The following TESK2 variants were observed in gnomAD, a reference collection of about 807,000 sequenced individuals.
TESK2 encodes dual specificity testis-specific protein kinase 2.
Under a neutral mutation model 57.1 loss-of-function variants are expected in TESK2, and 39 were observed. That is an observed-to-expected ratio of 0.68 (90% CI 0.53 to 0.89). TESK2 has a LOEUF of 0.89. Among genes scored for constraint, TESK2 ranks in the 40% least tolerant of loss-of-function variants. The pLI, the probability that TESK2 is intolerant of heterozygous loss-of-function variation, is 0.00. For missense variants in TESK2, 646 were observed against 732.1 expected, an observed-to-expected ratio of 0.88 and a Z score of 1.36; for synonymous variants, 249 against 267.9, an observed-to-expected ratio of 0.93 and a Z score of 0.69.
rs1652672466 is a variant in TESK2 at position 45,469,271 on chromosome 1, A to AT, written c.-86-11401dup. Among the ~76,000 whole-genome samples, 4 of 152,252 alleles carry AT rather than the reference A, an allele frequency of 2.6e-5. No homozygotes were observed. The South Asian group carries it at 8.3e-4, about 32-fold the overall frequency. ...ATCATTTTTCAGAAATATCAAGGAA[A>AT]TTTTTAGGACTCTCAGACCACACTC... On this transcript the variant is annotated intron_variant, in intron 1 of 10. Transcript: ENST00000372086.
At chr1:45,345,720 A>G (rs1647132742) in intron 10 of TESK2, among the ~76,000 whole-genome samples, 157 bp downstream of exon 10, 1 of 152,170 alleles carries the variant, frequency 6.6e-6, no homozygotes, top group South Asian at 2.1e-4. Context: ...GCCAAGCCAC[A>G]GCTCTTAAAA....
intron 1 of TESK2, among the ~76,000 whole-genome samples, chr1:45,484,896 T>C (rs1161452329): frequency 6.7e-6 from 1 of 149,474 alleles, no homozygotes; most frequent in Non-Finnish European, 1.5e-5. Flanking sequence ...CCGGGCCTGG[T>C]GGCGGGCGCC....
At chr1:45,476,733 G>T (rs1034876135) in intron 1 of TESK2, among the ~76,000 whole-genome samples, 1 of 152,056 alleles carries the variant, frequency 6.6e-6, no homozygotes, top group Non-Finnish European at 1.5e-5. Flanking sequence ...TGTAGTCCCA[G>T]CTACTTGGGA....
intron 3 of TESK2, among the ~76,000 whole-genome samples, chr1:45,386,572 T>C (rs779331774): frequency 3.8e-4 from 58 of 152,118 alleles, no homozygotes; most frequent in Non-Finnish European, 5.6e-4. Context: ...TTTTTGGTTA[T>C]ATGGATTAGT....
chr1:45,360,006 C>T (rs1421619441), intron 4 of TESK2, among the ~76,000 whole-genome samples: 1 of 152,116 alleles, frequency 6.6e-6, no homozygotes, highest in Non-Finnish European at 1.5e-5. Flanking sequence ...TCCTTGGAAG[C>T]GTCGGACCAG....
At chr1:45,398,481 A>G (rs1649453257) in intron 3 of TESK2, among the ~76,000 whole-genome samples, 1 of 152,080 alleles carries the variant, frequency 6.6e-6, no homozygotes, top group African/African-American at 2.4e-5. Context: ...CAGGAGGCAG[A>G]GGCTGCAGTG....
chr1:45,474,925 T>C (rs1311621649), intron 1 of TESK2, among the ~76,000 whole-genome samples: 1 of 151,714 alleles, frequency 6.6e-6, no homozygotes, highest in East Asian at 1.9e-4. Flanking sequence ...ACTAGGTGAA[T>C]TTATGAATTT....
chr1:45,364,190 C>A (rs1337416132), intron 4 of TESK2, among the ~76,000 whole-genome samples: 1 of 152,060 alleles, frequency 6.6e-6, no homozygotes, highest in Non-Finnish European at 1.5e-5. Context: ...AAGTCCTAAA[C>A]CCTGGTAAGG....
At chr1:45,416,239 T>C (rs564036871) in intron 3 of TESK2, among the ~76,000 whole-genome samples, 2 of 151,668 alleles carry the variant, frequency 1.3e-5, no homozygotes, top group South Asian at 2.1e-4. Flanking sequence ...CACACCACCA[T>C]GCCCAGTTAA....
At chr1:45,366,926 G>A (rs1045815159) in intron 4 of TESK2, among the ~76,000 whole-genome samples, 4 of 152,128 alleles carry the variant, frequency 2.6e-5, no homozygotes, top group African/African-American at 4.8e-5. Flanking sequence ...TTGAGCTCAC[G>A]AGTTCGAGAC....
chr1:45,462,462 C>T (rs962751713), intron 1 of TESK2, among the ~76,000 whole-genome samples: 2 of 151,978 alleles, frequency 1.3e-5, no homozygotes, highest in African/African-American at 2.4e-5. Flanking sequence ...TTAGTAGAGA[C>T]GAGGTTTCAC....
chr1:45,380,074 AT>A (rs1167045345), intron 4 of TESK2, among the ~76,000 whole-genome samples: 3 of 151,758 alleles, frequency 2.0e-5, no homozygotes, highest in Non-Finnish European at 4.4e-5. Context: ...TAATTTTTGT[AT>A]TTTTTATAGA....
intron 2 of TESK2, among the ~76,000 whole-genome samples, chr1:45,436,253 C>T (rs1473165269): frequency 3.3e-5 from 4 of 121,112 alleles, no homozygotes; most frequent in South Asian, 2.9e-4. Context: ...GGCGTGATCT[C>T]GGTTCACTGC....
rs770308301 is a variant in TESK2, at chr1:45,345,173, A to T, written c.1383T>A (p.Pro461=). 2 of 1,614,188 alleles carry T rather than the reference A, an allele frequency of 1.2e-6. No individual in the cohort carries two copies. The highest frequency in any genetic ancestry group is 1.7e-5 in the Admixed American group (1 of 60,024). The stretch of plus-strand genomic sequence containing the variant: ...GACAAGCCTCTTGATGCAAGAACTC[A>T]GGCGAACCAGGCAAGGAACGCCACC... ...IRRWRSLPGS[P]EFLHQEACPF... The change falls in exon 11 of 11, where the codon CCT becomes CCA. Residue 461 remains proline, a synonymous_variant. Transcript: ENST00000372086.
chr1:45,406,117 A>C (rs1478613903), intron 3 of TESK2, among the ~76,000 whole-genome samples: 1 of 152,138 alleles, frequency 6.6e-6, no homozygotes, highest in African/African-American at 2.4e-5. Flanking sequence ...CTGTAGTCTC[A>C]GCTACTTGGC....
intron 3 of TESK2, among the ~76,000 whole-genome samples, chr1:45,394,772 C>A (rs1649291877): frequency 7.0e-6 from 1 of 143,226 alleles, no homozygotes; most frequent in Admixed American, 7.3e-5. Flanking sequence ...GTTCACTGCA[C>A]CTCTGCCTCC....
chr1:45,393,914 A>G (rs996190385), intron 3 of TESK2, among the ~76,000 whole-genome samples: 42 of 152,154 alleles, frequency 2.8e-4, no homozygotes, highest in African/African-American at 9.7e-4. Context: ...AACTATATCA[A>G]AAATCGAAAT....
intron 1 of TESK2, among the ~76,000 whole-genome samples, chr1:45,478,887 C>A (rs1557589531): frequency 6.6e-6 from 1 of 152,012 alleles, no homozygotes; most frequent in African/African-American, 2.4e-5. Flanking sequence ...CCATGCCCAG[C>A]TAATTTTTGT....
At chr1:45,461,569 A>C (rs1210397110) in intron 1 of TESK2, among the ~76,000 whole-genome samples, 1 of 152,238 alleles carries the variant, frequency 6.6e-6, no homozygotes. Context: ...TAGAAAGAAC[A>C]GAGACTTAAG....
Sources: allele counts gnomAD v4.1 joint callset (sites outside exome capture counted in the v4.1 genomes callset), GRCh38; gene constraint gnomAD v4.1.1; transcripts MANE v1.5; gene names NCBI Gene and HGNC (gene_info 2026-07-23, HGNC 2026-07-21).